Variants in PTK2 observed in about 807,000 individuals in gnomAD.
PTK2 encodes protein tyrosine kinase 2, also known as focal adhesion kinase 1.
PTK2 carries 45 observed loss-of-function variants against 150.1 expected under a neutral mutation model. The observed-to-expected ratio is 0.30, with a 90% confidence interval of 0.24 to 0.38. The LOEUF (loss-of-function observed/expected upper bound fraction) is 0.38, where lower values mean the gene tolerates loss of function less well. Ranked by LOEUF, PTK2 falls within the 10% of genes least tolerant of loss-of-function variation. PTK2 has a pLI of 1.00. For missense variants in PTK2, 919 were observed against 1,307.3 expected, an observed-to-expected ratio of 0.70 and a Z score of 4.58; for synonymous variants, 432 against 449.2, an observed-to-expected ratio of 0.96 and a Z score of 0.48.
At chr8:140,770,758 A>T (rs1411512107) in intron 14 of PTK2, 1 of 1,356,588 alleles carries the variant, frequency 7.4e-7, no homozygotes. Context: ...AAAGGGAGAA[A>T]GCGCCTAGCT....
chr8:140,729,904 G>A (rs986908341), intron 22 of PTK2, among the ~76,000 whole-genome samples: 3 of 152,116 alleles, frequency 2.0e-5, no homozygotes, highest in Non-Finnish European at 4.4e-5. Flanking sequence ...GTAAACTAAC[G>A]ATGAAGATAC....
chr8:140,818,184 GT>G (rs1357700116), intron 10 of PTK2, 92 bp downstream of exon 10: 2 of 1,212,146 alleles, frequency 1.6e-6, no homozygotes, highest in Non-Finnish European at 2.4e-6. Context: ...AAATTTAATT[GT>G]AAAATGATCT....
chr8:140,986,848 G>A (rs1195117820), intron 1 of PTK2, among the ~76,000 whole-genome samples: 1 of 152,080 alleles, frequency 6.6e-6, no homozygotes. Flanking sequence ...CAAATCATTT[G>A]GATCCAAATC....
intron 26 of PTK2, 85 bp from the exon 30 acceptor site, chr8:140,686,779 T>A: frequency 1.7e-6 from 2 of 1,151,844 alleles, no homozygotes; most frequent in Non-Finnish European, 2.5e-6. Context: ...CCTTCCTTTT[T>A]AACACAATTG....
intron 2 of PTK2, among the ~76,000 whole-genome samples, chr8:140,902,943 T>G (rs201129888): frequency 0.16 from 19,422 of 122,510 alleles, 1,520 homozygotes; most frequent in East Asian, 0.32. Flanking sequence ...TTTTTTTTTT[T>G]TTTTTTTTTT....
At chr8:140,686,677 G>A (rs1197465607) in exon 27 of PTK2, 1 of 1,613,704 alleles carries the variant, frequency 6.2e-7, no homozygotes, top group Non-Finnish European at 8.5e-7. Flanking sequence ...TGCCTCGAGA[G>A]AGTCTCACAT....
At chr8:140,806,358 CCTGTATCAGTTTGCAT>C (rs2096434110) in intron 10 of PTK2, among the ~76,000 whole-genome samples, 1 of 152,128 alleles carries the variant, frequency 6.6e-6, no homozygotes, top group African/African-American at 2.4e-5. Flanking sequence ...ACAAAATGCA[CCTGTATCAGTTTGCAT>C]CTGTAGCTAC....
At chr8:140,936,590 G>T (rs920672483) in intron 1 of PTK2, among the ~76,000 whole-genome samples, 1 of 151,722 alleles carries the variant, frequency 6.6e-6, no homozygotes, top group African/African-American at 2.4e-5. Context: ...ATCAGATCTT[G>T]ATCTACCTCA....
intron 1 of PTK2, among the ~76,000 whole-genome samples, chr8:140,979,308 A>G (rs919102072): frequency 1.3e-5 from 2 of 151,718 alleles, no homozygotes; most frequent in African/African-American, 4.8e-5. Context: ...CCTCACAGGT[A>G]AAAAAAACAA....
intron 14 of PTK2, among the ~76,000 whole-genome samples, chr8:140,782,041 G>T (rs1415034272): frequency 6.6e-6 from 1 of 152,062 alleles, no homozygotes; most frequent in East Asian, 1.9e-4. Flanking sequence ...ACAACTGTAC[G>T]CTTCTCAGTG....
chr8:140,724,231 C>T (rs1220262887), intron 22 of PTK2, among the ~76,000 whole-genome samples: 3 of 152,126 alleles, frequency 2.0e-5, no homozygotes, highest in Non-Finnish European at 2.9e-5. Flanking sequence ...TCACAGTCTA[C>T]CCTAACTATT....
intron 21 of PTK2, 92 bp downstream of exon 24, chr8:140,738,926 T>C: frequency 1.2e-6 from 1 of 848,230 alleles, no homozygotes; most frequent in African/African-American, 1.8e-5. Flanking sequence ...GGAAGGCAAA[T>C]CAACCTACAT....
At chr8:140,789,508 C>T (rs772684225) in exon 14 of PTK2, 1 of 1,613,424 alleles carries the variant, frequency 6.2e-7, no homozygotes, top group Admixed American at 1.7e-5. Flanking sequence ...GCATGCCTTG[C>T]TTTTCGCTGT....
intron 1 of PTK2, among the ~76,000 whole-genome samples, chr8:140,928,312 T>C (rs548794378): frequency 6.6e-6 from 1 of 152,224 alleles, no homozygotes; most frequent in African/African-American, 2.4e-5. Context: ...AAAATAAGGT[T>C]TGGCAAGGAT....
chr8:140,811,291 T>G (rs2100101399), intron 10 of PTK2, among the ~76,000 whole-genome samples: 1 of 152,016 alleles, frequency 6.6e-6, no homozygotes, highest in Admixed American at 6.6e-5. Flanking sequence ...AGTCCAGGAG[T>G]TGGGGGCTGG....
At chr8:140,674,564 A>T (rs2100012463) in intron 28 of PTK2, among the ~76,000 whole-genome samples, 160 bp from the exon 32 acceptor site, 1 of 151,924 alleles carries the variant, frequency 6.6e-6, no homozygotes, top group South Asian at 2.1e-4. Context: ...ACATGGAGAA[A>T]CCCCATCTCT....
At chr8:140,657,907 G>C (rs1411065266) in exon 32 of PTK2, 2 of 152,164 alleles carry the variant, frequency 1.3e-5, no homozygotes, top group African/African-American at 4.8e-5. Context: ...AGCTGCTTTT[G>C]CACATAAGAG....
intron 31 of PTK2, among the ~76,000 whole-genome samples, chr8:140,661,027 A>C (rs1358841292): frequency 3.9e-5 from 6 of 152,202 alleles, no homozygotes; most frequent in African/African-American, 1.4e-4. Flanking sequence ...CGTAGTAGAA[A>C]AGTACATAGA....
intron 14 of PTK2, 110 bp downstream of exon 15, chr8:140,770,606 T>C (rs1041115477): frequency 2.7e-6 from 1 of 368,162 alleles, no homozygotes; most frequent in Non-Finnish European, 4.0e-6. Context: ...TACACTAATA[T>C]TCAATAAAGC....
Sources: allele counts gnomAD v4.1 joint callset (sites outside exome capture counted in the v4.1 genomes callset), GRCh38; gene constraint gnomAD v4.1.1; transcripts MANE v1.5; gene names NCBI Gene and HGNC (gene_info 2026-07-23, HGNC 2026-07-21).